Variants in GSG1L observed in about 807,000 individuals in gnomAD.
The protein encoded by GSG1L is germ cell-specific gene 1-like protein.
Under a neutral mutation model 42.1 loss-of-function variants are expected in GSG1L, and 24 were observed. The ratio of observed to expected loss-of-function variants is 0.57; its 90% CI spans 0.41 to 0.80. The LOEUF is 0.80. GSG1L is among the 30% of genes least tolerant of loss of function. The probability of loss-of-function intolerance (pLI) is 0.00; values close to 1 mark genes in which losing one functional copy is unlikely to be tolerated. For missense variants in GSG1L, 445 were observed against 472.2 expected (o/e 0.94, Z 0.53); for synonymous variants, 215 against 203.5 (o/e 1.06, Z -0.48).
At chr16:27,968,094 G>A (rs1468695614) in intron 1 of GSG1L, among the ~76,000 whole-genome samples, 3 of 151,924 alleles carry the variant, frequency 2.0e-5, no homozygotes, top group Admixed American at 2.0e-4. Flanking sequence ...TTGCCTATTA[G>A]GGGCCCTTCT....
rs922878446 is a variant in GSG1L at position 28,063,179 on chromosome 16, A to T, written c.246T>A (p.Pro82=). 4 of 1,331,142 alleles carry T rather than the reference A, an allele frequency of 3.0e-6. No homozygotes were observed. The African/African-American group carries it at 4.6e-5, about 15-fold the overall frequency. The allele number at this position is 1,331,142 out of a possible 1,614,324, so 82.5% of individuals were successfully genotyped here. A position where few individuals can be genotyped will look rare whatever the true frequency, so the allele number is the denominator to read the frequency against. ...AAATASGNGP[P]GGALYSWETG... Reference sequence around the variant, plus strand: ...TCTCCCAGCTGTAGAGCGCGCCGCCAGGGGGGCCGTTCCCCGAGGCGGTGG... The same window carrying T: ...TCTCCCAGCTGTAGAGCGCGCCGCCTGGGGGGCCGTTCCCCGAGGCGGTGG... The change falls in exon 1 of 7, where the codon CCT becomes CCA. Residue 82 remains proline (P), a synonymous_variant. Coordinates refer to ENST00000447459, the MANE Select transcript of GSG1L (RefSeq NM_001109763.2). The surrounding 1 kb of genome is among the most constrained non-coding windows in gnomAD (Gnocchi z 5.8).
At chr16:27,808,960 T>A (rs373112456) in intron 5 of GSG1L, among the ~76,000 whole-genome samples, 2 of 152,326 alleles carry the variant, frequency 1.3e-5, no homozygotes, top group African/African-American at 4.8e-5. Flanking sequence ...GTCCCACTGA[T>A]GGCTGGGCCC....
chr16:27,844,905 G>T, intron 4 of GSG1L, 45 bp downstream of exon 4: 1 of 1,097,738 alleles, frequency 9.1e-7, no homozygotes, highest in Non-Finnish European at 1.3e-6. Flanking sequence ...AGCGTGCCTT[G>T]GGCCCTGGTG....
At chr16:27,850,850 A>C (rs2083505282) in intron 3 of GSG1L, among the ~76,000 whole-genome samples, 1 of 150,214 alleles carries the variant, frequency 6.7e-6, no homozygotes, top group South Asian at 2.1e-4. Context: ...CATGTTGCCC[A>C]GACTGGTCTC....
rs531853572 is a variant in GSG1L at position 27,918,995 on chromosome 16, T to C, written c.398-34357A>G. 3.9e-4 allele frequency among the ~76,000 whole-genome samples: 59 copies of C among 152,216 alleles called. 1 individual carries two copies. Among genetic ancestry groups the C allele is most frequent in the Admixed American group, 1.1e-3 (17 of 15,302 alleles). On this transcript the variant is annotated intron_variant, in intron 2 of 6. Coordinates refer to ENST00000447459, the MANE Select transcript of GSG1L (RefSeq NM_001109763.2). ...CCTGGGAGACGCCTCACAATCCTTC[T>C]CCACACAGCTGTCCAGGCAGGCACT...
At chr16:27,979,918 A>G (rs1228941812) in intron 1 of GSG1L, among the ~76,000 whole-genome samples, 2 of 152,114 alleles carry the variant, frequency 1.3e-5, no homozygotes, top group Admixed American at 6.6e-5. Flanking sequence ...AGAGAATTGA[A>G]ATGGGAGAAA....
intron 3 of GSG1L, among the ~76,000 whole-genome samples, chr16:27,880,780 G>C (rs528733320): frequency 6.6e-6 from 1 of 152,054 alleles, no homozygotes; most frequent in African/African-American, 2.4e-5. Flanking sequence ...TTTGTGGCTG[G>C]AGTGAGCAGG....
In GSG1L at chr16:27,946,686, AAG is replaced by A. The variant is rs775579735; in HGVS notation, c.397+16468_397+16469del. On this transcript the variant is annotated intron_variant, in intron 2 of 6. Coordinates refer to ENST00000447459, the MANE Select transcript of GSG1L (RefSeq NM_001109763.2). Reference sequence around the variant, plus strand: ...AAAGAAAGAAAGAAAGAAAGAAAGAAAGAAAGAATTAAATGAAGCAAGGGGTA... The same window carrying A: ...AAAGAAAGAAAGAAAGAAAGAAAGAAAAAGAATTAAATGAAGCAAGGGGTA... Among the ~76,000 whole-genome samples the A allele has an allele frequency of 2.0e-5, 3 of 148,178 alleles. 1 individual carries two copies. The highest frequency in any genetic ancestry group is 7.5e-5 in the African/African-American group (3 of 39,966).
chr16:27,892,977 C>T (rs772887794), intron 2 of GSG1L, among the ~76,000 whole-genome samples: 20 of 152,144 alleles, frequency 1.3e-4, no homozygotes, highest in Non-Finnish European at 2.5e-4. Flanking sequence ...TGCAAGCTCG[C>T]GGAAGGACAG....
chr16:27,854,329 GGGA>G (rs1187045415), intron 3 of GSG1L, among the ~76,000 whole-genome samples: 4 of 131,358 alleles, frequency 3.0e-5, no homozygotes, highest in Non-Finnish European at 4.9e-5. Flanking sequence ...AAGGAAAAGG[GGGA>G]GGAGGAGGGG....
intron 1 of GSG1L, among the ~76,000 whole-genome samples, chr16:27,999,568 A>G (rs2141142567): frequency 6.6e-6 from 1 of 152,334 alleles, no homozygotes; most frequent in South Asian, 2.1e-4. Flanking sequence ...AAATAAATTA[A>G]TACTCATACC....
intron 2 of GSG1L, among the ~76,000 whole-genome samples, chr16:27,890,481 A>G (rs1479319381): frequency 6.6e-6 from 1 of 152,164 alleles, no homozygotes; most frequent in Non-Finnish European, 1.5e-5. Context: ...ACTCCATGCA[A>G]AAGATGACGG....
chr16:28,038,097 G>C (rs1486204079), intron 1 of GSG1L, among the ~76,000 whole-genome samples: 1 of 152,190 alleles, frequency 6.6e-6, no homozygotes, highest in African/African-American at 2.4e-5. Context: ...ACAATTTGCA[G>C]TTCCACATCC....
In GSG1L at chr16:27,815,196, A is replaced by G. The variant is rs763851235; in HGVS notation, c.831-7642T>C. Among the ~76,000 whole-genome samples, 6 of 152,086 alleles carry G rather than the reference A, an allele frequency of 3.9e-5. 1 individual carries two copies. The highest frequency in any genetic ancestry group is 2.1e-4 in the South Asian group (1 of 4,816). On this transcript the variant is annotated intron_variant, in intron 5 of 6. Transcript: ENST00000447459. ...ATCTTATGCTGAAACGTGATCCCCA[A>G]TGTTGGAGGTGGGGCCTGGTGGGAG...
intron 2 of GSG1L, among the ~76,000 whole-genome samples, chr16:27,942,737 T>C (rs1405365038): frequency 6.6e-6 from 1 of 152,186 alleles, no homozygotes; most frequent in Non-Finnish European, 1.5e-5. Context: ...CCCACCAGAT[T>C]GGCAAAATTT....
intron 3 of GSG1L, among the ~76,000 whole-genome samples, chr16:27,856,079 G>T (rs2083573687): frequency 6.6e-6 from 1 of 152,170 alleles, no homozygotes; most frequent in African/African-American, 2.4e-5. Flanking sequence ...AGAAGGCTTT[G>T]ATGTCAGGGC....
chr16:28,053,797 C>G (rs570209062), intron 1 of GSG1L, among the ~76,000 whole-genome samples: 53 of 152,318 alleles, frequency 3.5e-4, no homozygotes, highest in Non-Finnish European at 7.1e-4. Flanking sequence ...ATATTTCTCC[C>G]TTTCTCCATC....
chr16:27,943,205 T>A, intron 2 of GSG1L, among the ~76,000 whole-genome samples: 1 of 151,768 alleles, frequency 6.6e-6, no homozygotes, highest in East Asian at 1.9e-4. Flanking sequence ...CAGGCATGAG[T>A]CACTGCACCC....
chr16:27,820,907 G>C (rs1392187769), intron 5 of GSG1L, among the ~76,000 whole-genome samples: 2 of 152,194 alleles, frequency 1.3e-5, no homozygotes, highest in Non-Finnish European at 2.9e-5. Context: ...ATCACACCAA[G>C]TTGCTTAGAT....
Sources: gnomAD v4.1 joint callset for allele counts (sites outside exome capture counted in the v4.1 genomes callset) on GRCh38, gnomAD v4.1.1 for gene constraint, Gnocchi (gnomAD v3.1) non-coding constraint, MANE v1.5 for transcripts, NCBI Gene and HGNC (gene_info 2026-07-23, HGNC 2026-07-21) for gene names.